Variants in MYSM1 observed in about 807,000 individuals in gnomAD.
MYSM1 encodes the protein deubiquitinase MYSM1.
In MYSM1, 51 loss-of-function variants were observed where a neutral mutation model predicts 116.0. That is an observed-to-expected ratio of 0.44 (90% CI 0.35 to 0.56). The LOEUF is 0.56. MYSM1 is among the 20% of genes least tolerant of loss of function. The pLI is 0.00. For missense variants in MYSM1, 900 were observed against 974.9 expected (o/e 0.92, Z 1.02); for synonymous variants, 313 against 315.2 (o/e 0.99, Z 0.07).
In MYSM1 at chr1:58,692,987, T is replaced by C; in HGVS notation, c.148-56A>G. 2.9e-6 allele frequency: 4 copies of C among 1,381,418 alleles called. No homozygotes were observed. In the South Asian group the frequency reaches 3.8e-5, roughly 13 times the overall value. 85.6% of individuals were successfully genotyped at this position (1,381,418 alleles called of 1,614,324 possible). A position where few individuals can be genotyped will look rare whatever the true frequency, so the allele number is the denominator to read the frequency against. On this transcript the variant is annotated intron_variant, in intron 2 of 19. Coordinates refer to ENST00000472487, the MANE Select transcript of MYSM1 (RefSeq NM_001085487.3). ...TATTTATTGCTTTTTGAAATTATCT[T>C]CTGTTTTGGTAAAGAAAAATACATG...
Position 58,682,208 on chromosome 1 carries a change from C to T in MYSM1, c.836G>A (p.Cys279Tyr), listed in dbSNP as rs374418454. 2.1e-5 allele frequency: 34 copies of T among 1,612,872 alleles called. No homozygotes were observed. Among genetic ancestry groups the T allele is most frequent in the Non-Finnish European group, 2.6e-5 (31 of 1,179,092 alleles). Residue 279 changes from cysteine (C) to tyrosine (Y), a missense_variant, in exon 8 of 20, where the codon TGT (cysteine) becomes TAT (tyrosine). Physicochemically the swap from Cys to Tyr is radical, Grantham distance 194. This residue lies in a region of MYSM1 where 622 missense variants were observed against 623.7 expected (regional missense o/e 1.00). Transcript: ENST00000472487. ...EALFSKSSRG[C>Y]LQNEKQDETL... ...TTCATCTTGCTTTTCATTTTGAAGACAGCCCCTGGAAGACTTAGAAAAGAG... is the reference window on the plus strand; with the variant it reads ...TTCATCTTGCTTTTCATTTTGAAGATAGCCCCTGGAAGACTTAGAAAAGAG...
Position 58,681,893 on chromosome 1 carries a change from T to C in MYSM1, c.1151A>G (p.Asn384Ser), listed in dbSNP as rs1285779925. The C allele has an allele frequency of 1.4e-5, 23 of 1,613,844 alleles. No individual in the cohort carries two copies. Among genetic ancestry groups the C allele is most frequent in the African/African-American group, 4.0e-5 (3 of 74,908 alleles). The change falls in exon 8 of 20, where the codon AAT becomes AGT. Residue 384 changes from asparagine (N) to serine (S), a missense_variant. Asn to Ser is a conservative substitution (Grantham distance 46, BLOSUM62 1). This residue lies in a region of MYSM1 where 622 missense variants were observed against 623.7 expected (regional missense o/e 1.00). Coordinates refer to ENST00000472487, the MANE Select transcript of MYSM1 (RefSeq NM_001085487.3). Reference protein sequence around the residue: ...PPEQEIEIDRNIIQEEEKQAI... With the variant: ...PPEQEIEIDRSIIQEEEKQAI... Reference sequence around the variant, plus strand: ...TTGTTTTTCTTCTTCTTGAATGATATTTCTATCTATTTCTATTTCCTGTTC... The same window carrying C: ...TTGTTTTTCTTCTTCTTGAATGATACTTCTATCTATTTCTATTTCCTGTTC...
rs1470239280 is a variant in MYSM1 at position 58,667,208 on chromosome 1, A to C, written c.1861T>G (p.Cys621Gly). The C allele has an allele frequency of 6.3e-7, 1 of 1,597,284 alleles. No homozygotes were observed. The highest frequency in any genetic ancestry group is 1.3e-5 in the African/African-American group (1 of 74,366). Residue 621 changes from cysteine to glycine, a missense_variant, in exon 16 of 20, where the codon TGT (cysteine) becomes GGT (glycine). Physicochemically the swap from Cys to Gly is radical, Grantham distance 159. This residue lies in a region of MYSM1 where 92 missense variants were observed against 155.0 expected (regional missense o/e 0.59). Coordinates refer to ENST00000472487, the MANE Select transcript of MYSM1 (RefSeq NM_001085487.3). The part of the protein sequence containing the change: ...KVVEVCAAEP[C>G]NSLSTGLQCE... The stretch of plus-strand genomic sequence containing the variant: ...TGTAGTCCTGTACTCAGACTGTTAC[A>C]TGGTTCTGCTGCACAGACCTATAAA...
chr1:58,699,771 C>A, intron 1 of MYSM1: 4 of 985,450 alleles, frequency 4.1e-6, no homozygotes, highest in Non-Finnish European at 4.8e-6. Flanking sequence ...AAGGTGAAAG[C>A]GACCCAGGAG....
intron 3 of MYSM1, among the ~76,000 whole-genome samples, chr1:58,690,983 G>C (rs1644897466): frequency 6.6e-6 from 1 of 152,092 alleles, no homozygotes; most frequent in African/African-American, 2.4e-5. Context: ...AAAGTTATTA[G>C]AACTAGCCTG....
intron 14 of MYSM1, chr1:58,668,325 A>G (rs1001884338): frequency 6.3e-5 from 46 of 729,428 alleles, no homozygotes; most frequent in Non-Finnish European, 8.0e-5. Context: ...AAACCCTCCA[A>G]ATTACAGGAG....
At chr1:58,696,844 C>T (rs1182813882) in intron 1 of MYSM1, among the ~76,000 whole-genome samples, 1 of 152,058 alleles carries the variant, frequency 6.6e-6, no homozygotes, top group Non-Finnish European at 1.5e-5. Flanking sequence ...ACTAAATGAA[C>T]AAGGTAGGTA....
chr1:58,697,667 G>A (rs570997145), intron 1 of MYSM1, among the ~76,000 whole-genome samples: 1 of 151,142 alleles, frequency 6.6e-6, no homozygotes, highest in East Asian at 2.0e-4. Context: ...TCGGCTCACT[G>A]CAACCTTCAC....
At chr1:58,699,808 C>T in intron 1 of MYSM1, 177 bp downstream of exon 1, 1 of 985,456 alleles carries the variant, frequency 1.0e-6, no homozygotes, top group South Asian at 4.7e-5. Context: ...AACCGCCCTG[C>T]CCGCTGGGCT....
At chr1:58,696,248 T>C (rs997633481) in intron 1 of MYSM1, among the ~76,000 whole-genome samples, 4 of 152,042 alleles carry the variant, frequency 2.6e-5, no homozygotes, top group African/African-American at 9.7e-5. Context: ...CTGCCAAGAG[T>C]TCAGAAAATA....
intron 6 of MYSM1, among the ~76,000 whole-genome samples, chr1:58,685,656 CTTTT>C (rs548829814): frequency 2.6e-5 from 4 of 152,136 alleles, no homozygotes; most frequent in Admixed American, 2.0e-4. Context: ...AATTTCAACA[CTTTT>C]TTTAACTCAG....
Position 58,671,858 on chromosome 1 carries a change from A to G in MYSM1, c.1661+12T>C, listed in dbSNP as rs760234508. 11 of 1,601,488 alleles carry G rather than the reference A, an allele frequency of 6.9e-6. No homozygotes were observed. Among genetic ancestry groups the G allele is most frequent in the Admixed American group, 1.7e-5 (1 of 58,054 alleles). ...ATAAATGTTTAAAAACCACATTTAT[A>G]TAACACTACACCTTTTTGTTGGTCT... is the stretch of plus-strand genomic sequence containing the variant. On this transcript the variant is annotated intron_variant, in intron 12 of 19. Transcript: ENST00000472487.
intron 6 of MYSM1, 73 bp from the exon 7 acceptor site, chr1:58,685,324 T>TC: frequency 6.0e-6 from 5 of 838,756 alleles, no homozygotes; most frequent in Non-Finnish European, 8.6e-6. Flanking sequence ...CACTACCACA[T>TC]TAAAAAAAAA....
chr1:58,697,750 T>C (rs1442051021), intron 1 of MYSM1, among the ~76,000 whole-genome samples: 1 of 151,308 alleles, frequency 6.6e-6, no homozygotes, highest in Non-Finnish European at 1.5e-5. Context: ...CCACCATGCC[T>C]GGCTAAGTTT....
At chr1:58,670,007 A>C (rs1191827290) in intron 12 of MYSM1, among the ~76,000 whole-genome samples, 1 of 152,160 alleles carries the variant, frequency 6.6e-6, no homozygotes, top group Non-Finnish European at 1.5e-5. Flanking sequence ...GGCTATCTTC[A>C]GGGAAAGAAA....
chr1:58,661,595 G>A lies in MYSM1; in HGVS notation c.2165-84C>T, dbSNP rs928061655. Reference sequence around the variant, plus strand: ...TTTAATTATACTTAAAATTCCCTTCGGTGTTTTTACAGCCATAGCTTTGCA... The same window carrying A: ...TTTAATTATACTTAAAATTCCCTTCAGTGTTTTTACAGCCATAGCTTTGCA... On this transcript the variant is annotated intron_variant, in intron 17 of 19. Coordinates refer to ENST00000472487, the MANE Select transcript of MYSM1 (RefSeq NM_001085487.3). 135 of 767,240 alleles carry A rather than the reference G, an allele frequency of 1.8e-4. 1 individual carries two copies. Among genetic ancestry groups the A allele is most frequent in the Middle Eastern group, 7.7e-4 (2 of 2,612 alleles). 47.5% of individuals were successfully genotyped at this position (767,240 alleles called of 1,614,324 possible).
Position 58,655,844 on chromosome 1 carries a change from G to A in MYSM1, c.*4153C>T, listed in dbSNP as rs967639748. ...TAAAAATGTGTGTGCTTTTCTTTGT[G>A]CTTGGATAAAAGAAGTTTTCCTAAA... On this transcript the variant is annotated 3_prime_UTR_variant, in exon 20 of 20. Transcript: ENST00000472487. 1.3e-5 allele frequency: 2 copies of A among 151,988 alleles called. No individual in the cohort carries two copies. Among genetic ancestry groups the A allele is most frequent in the African/African-American group, 4.8e-5 (2 of 41,388 alleles). The allele number at this position is 151,988 out of a possible 1,614,324, so 9.4% of individuals were successfully genotyped here.
Position 58,700,025 on chromosome 1 carries a change from T to A in MYSM1, c.28A>T (p.Ile10Phe). Reference sequence around the variant, plus strand: ...GCCGCCGCTACCACGTCCCCTTCGATATCCACATCCGCCTCTTCAGCCGCC... The same window carrying A: ...GCCGCCGCTACCACGTCCCCTTCGAAATCCACATCCGCCTCTTCAGCCGCC... MAAEEADVD[I>F]EGDVVAAAGA... The change falls in exon 1 of 20, where the codon ATC (isoleucine) becomes TTC (phenylalanine). Residue 10 changes from isoleucine to phenylalanine, a missense_variant. Around this residue, in one of 3 missense-constraint regions of MYSM1, gnomAD observed 622 missense variants for 623.7 expected, o/e 1.00. Coordinates refer to ENST00000472487, the MANE Select transcript of MYSM1 (RefSeq NM_001085487.3). The A allele has an allele frequency of 6.2e-7, 1 of 1,613,722 alleles. No individual in the cohort carries two copies. Among genetic ancestry groups the A allele is most frequent in the Non-Finnish European group, 8.5e-7 (1 of 1,179,992 alleles).
intron 3 of MYSM1, among the ~76,000 whole-genome samples, chr1:58,692,072 A>G (rs1644913299): frequency 6.6e-6 from 1 of 152,186 alleles, no homozygotes; most frequent in Non-Finnish European, 1.5e-5. Context: ...CTTTCTCTGA[A>G]TAGCAATAAT....
Sources: gnomAD v4.1 joint callset for allele counts (sites outside exome capture counted in the v4.1 genomes callset) on GRCh38, gnomAD v4.1.1 for gene constraint, gnomAD v4.1.1 regional missense constraint, MANE v1.5 for transcripts, NCBI Gene and HGNC (gene_info 2026-07-23, HGNC 2026-07-21) for gene names.